The following ROBO1 variants were observed in gnomAD, a reference collection of about 807,000 sequenced individuals.
The protein encoded by ROBO1 is roundabout homolog 1.
Under a neutral mutation model 195.9 loss-of-function variants are expected in ROBO1, and 149 were observed. The ratio of observed to expected loss-of-function variants is 0.76; its 90% confidence interval spans 0.67 to 0.87. ROBO1 has a LOEUF of 0.87. Ranked by LOEUF, ROBO1 falls within the 40% of genes least tolerant of loss-of-function variation. The pLI, the probability that ROBO1 is intolerant of heterozygous loss-of-function variation, is 0.00. For missense variants in ROBO1, 1,933 were observed against 2,068.3 expected (o/e 0.93, Z 1.27); for synonymous variants, 816 against 733.2 (o/e 1.11, Z -1.82).
At chr3:78,636,762 A>T (rs1705525403) in intron 22 of ROBO1, among the ~76,000 whole-genome samples, 1 of 151,488 alleles carries the variant, frequency 6.6e-6, no homozygotes, top group African/African-American at 2.4e-5. Flanking sequence ...AAGAAATATA[A>T]AATGACAATA....
At chr3:79,405,296 C>T (rs1480078957) in intron 2 of ROBO1, among the ~76,000 whole-genome samples, 2 of 152,136 alleles carry the variant, frequency 1.3e-5, no homozygotes, top group East Asian at 1.9e-4. Context: ...ATCAGTACCC[C>T]GACTGCCACT....
chr3:79,029,026 C>T (rs577283854), intron 3 of ROBO1, among the ~76,000 whole-genome samples: 50 of 152,106 alleles, frequency 3.3e-4, no homozygotes, highest in African/African-American at 1.1e-3. Flanking sequence ...TTCCTTTCAG[C>T]TGGGAGAGTA....
At chr3:79,605,292 G>T (rs529476830) in intron 1 of ROBO1, among the ~76,000 whole-genome samples, 48 of 146,914 alleles carry the variant, frequency 3.3e-4, no homozygotes, top group South Asian at 1.7e-3. Context: ...TCTAAATATT[G>T]GTCTGTAAAG....
chr3:78,902,799 G>A (rs569623667), intron 4 of ROBO1, among the ~76,000 whole-genome samples: 4 of 152,218 alleles, frequency 2.6e-5, no homozygotes, highest in Admixed American at 2.0e-4. Context: ...AGCCCAGATC[G>A]TGCCATTGCA....
chr3:79,419,850 A>G (rs1396451201), intron 2 of ROBO1, among the ~76,000 whole-genome samples: 3 of 152,128 alleles, frequency 2.0e-5, no homozygotes, highest in Non-Finnish European at 4.4e-5. Context: ...TTGAAGACTA[A>G]CATTTGGAAT....
chr3:78,860,326 A>ATATATATATATAT (rs376853384), intron 4 of ROBO1, among the ~76,000 whole-genome samples: 30 of 93,514 alleles, frequency 3.2e-4, no homozygotes, highest in Non-Finnish European at 4.0e-4. Flanking sequence ...ATATATATAT[A>ATATATATATATAT]TTTTTTTTTT....
At chr3:79,280,541 A>C (rs1208900523) in intron 2 of ROBO1, among the ~76,000 whole-genome samples, 1 of 152,150 alleles carries the variant, frequency 6.6e-6, no homozygotes, top group East Asian at 1.9e-4. Context: ...TAATGTGGAT[A>C]TGGAGAGTTA....
intron 8 of ROBO1, among the ~76,000 whole-genome samples, chr3:78,703,424 G>A (rs1227680951): frequency 6.6e-6 from 1 of 152,168 alleles, no homozygotes; most frequent in Non-Finnish European, 1.5e-5. Context: ...TTTACTTGCA[G>A]CCTGCTCACA....
chr3:79,376,844 A>C (rs968792290), intron 2 of ROBO1, among the ~76,000 whole-genome samples: 5 of 152,210 alleles, frequency 3.3e-5, no homozygotes, highest in Admixed American at 3.3e-4. Context: ...TGAGGAGAGC[A>C]TTTGATAGGA....
intron 1 of ROBO1, among the ~76,000 whole-genome samples, chr3:79,688,430 C>T (rs1434067320): frequency 6.6e-6 from 1 of 152,020 alleles, no homozygotes; most frequent in Non-Finnish European, 1.5e-5. Context: ...AACACTATTC[C>T]AGTTTTTGCA....
intron 4 of ROBO1, among the ~76,000 whole-genome samples, chr3:78,844,442 T>G (rs536142094): frequency 6.6e-6 from 1 of 152,156 alleles, no homozygotes; most frequent in South Asian, 2.1e-4. Context: ...AAAAGAAGTT[T>G]GTGATATGCC....
chr3:79,439,264 G>C (rs2107108998), intron 2 of ROBO1, among the ~76,000 whole-genome samples: 1 of 152,116 alleles, frequency 6.6e-6, no homozygotes, highest in South Asian at 2.1e-4. Context: ...TATTATAACT[G>C]ACATCAACTC....
At chr3:78,624,744 T>C (rs765898164) in intron 26 of ROBO1, among the ~76,000 whole-genome samples, 3 of 151,976 alleles carry the variant, frequency 2.0e-5, no homozygotes, top group Non-Finnish European at 2.9e-5. Context: ...TAATGCAATA[T>C]GAAAACTGGT....
chr3:79,689,140 C>A (rs1355807708), intron 1 of ROBO1, among the ~76,000 whole-genome samples: 3 of 151,580 alleles, frequency 2.0e-5, no homozygotes, highest in South Asian at 2.1e-4. Flanking sequence ...GTAGATGAAA[C>A]CTGGAAAAAA....
chr3:78,877,155 TA>T, intron 4 of ROBO1, among the ~76,000 whole-genome samples: 1 of 152,294 alleles, frequency 6.6e-6, no homozygotes, highest in South Asian at 2.1e-4. Flanking sequence ...CAATCAATGT[TA>T]CTGACATTTT....
intron 3 of ROBO1, among the ~76,000 whole-genome samples, chr3:79,056,782 C>A (rs1185003913): frequency 6.6e-6 from 1 of 152,020 alleles, no homozygotes; most frequent in African/African-American, 2.4e-5. Context: ...CTGGTTTTCG[C>A]TTCATTGCAC....
chr3:79,405,185 C>G (rs1490124760), intron 2 of ROBO1, among the ~76,000 whole-genome samples: 1 of 152,068 alleles, frequency 6.6e-6, no homozygotes, highest in African/African-American at 2.4e-5. Flanking sequence ...ATATAGAACA[C>G]TTTCCAGAGT....
chr3:78,776,200 T>C (rs2083500548), intron 4 of ROBO1, among the ~76,000 whole-genome samples: 1 of 152,162 alleles, frequency 6.6e-6, no homozygotes, highest in African/African-American at 2.4e-5. Flanking sequence ...ACTAACTGAA[T>C]GAACCTCAAA....
chr3:78,904,345 AG>A (rs2037763807), intron 4 of ROBO1, among the ~76,000 whole-genome samples: 1 of 152,216 alleles, frequency 6.6e-6, no homozygotes, highest in South Asian at 2.1e-4. Context: ...CATTTTACAA[AG>A]TTTTATACAC....
Sources: allele counts gnomAD v4.1 joint callset (sites outside exome capture counted in the v4.1 genomes callset), GRCh38; gene constraint gnomAD v4.1.1; transcripts MANE v1.5; gene names NCBI Gene and HGNC (gene_info 2026-07-23, HGNC 2026-07-21).